Variants in TAF1B observed in about 807,000 individuals in gnomAD.
TAF1B encodes TATA-box binding protein associated factor, RNA polymerase I subunit B.
Under a neutral mutation model 83.9 loss-of-function variants are expected in TAF1B, and 61 were observed. The ratio of observed to expected loss-of-function variants is 0.73; its 90% CI spans 0.59 to 0.90. The LOEUF is 0.90. Among genes scored for constraint, TAF1B ranks in the 40% least tolerant of loss-of-function variants. The pLI is 0.00. For synonymous variants in TAF1B, 221 were observed against 224.6 expected (o/e 0.98, Z 0.14); for missense variants, 625 against 677.0 (o/e 0.92, Z 0.85).
chr2:9,883,523 G>A (rs1010391303), intron 8 of TAF1B, among the ~76,000 whole-genome samples: 4 of 152,192 alleles, frequency 2.6e-5, no homozygotes, highest in Admixed American at 2.6e-4. Flanking sequence ...GATACCCTTT[G>A]ATGTTCAACT....
At chr2:9,897,670 G>C (rs1179326846) in intron 8 of TAF1B, among the ~76,000 whole-genome samples, 2 of 152,112 alleles carry the variant, frequency 1.3e-5, no homozygotes, top group African/African-American at 4.8e-5. Context: ...AAAAAGACTC[G>C]TCCAGAGCTG....
intron 4 of TAF1B, 180 bp downstream of exon 4, chr2:9,851,818 G>C: frequency 1.5e-6 from 1 of 648,638 alleles, no homozygotes; most frequent in Non-Finnish European, 2.8e-6. Context: ...TGTTCTACAG[G>C]ATGTAAATAA....
chr2:9,878,219 C>CTT (rs35740852), intron 7 of TAF1B, among the ~76,000 whole-genome samples: 70 of 143,188 alleles, frequency 4.9e-4, no homozygotes, highest in Middle Eastern at 3.6e-3. Context: ...GATTCTTCTT[C>CTT]TTTTTTTTTT....
chr2:9,912,882 T>C (rs540531068), intron 11 of TAF1B, among the ~76,000 whole-genome samples: 40 of 152,366 alleles, frequency 2.6e-4, no homozygotes, highest in African/African-American at 9.4e-4. Context: ...TAAACAATTA[T>C]CATATTGACC....
chr2:9,851,813 T>C (rs933885480), intron 4 of TAF1B, among the ~76,000 whole-genome samples, 175 bp downstream of exon 4: 4 of 152,228 alleles, frequency 2.6e-5, no homozygotes, highest in African/African-American at 7.2e-5. Context: ...AAGTGTGTTC[T>C]ACAGGATGTA....
intron 8 of TAF1B, among the ~76,000 whole-genome samples, chr2:9,893,799 A>AGTTG (rs1014758882): frequency 2.6e-5 from 4 of 152,040 alleles, no homozygotes; most frequent in Non-Finnish European, 5.9e-5. Flanking sequence ...TCAGTAAACT[A>AGTTG]GTTACCTCTG....
chr2:9,883,393 C>T (rs1664571718), intron 8 of TAF1B, among the ~76,000 whole-genome samples: 1 of 152,118 alleles, frequency 6.6e-6, no homozygotes, highest in African/African-American at 2.4e-5. Flanking sequence ...CCTCCATTCA[C>T]CTACTTAAGG....
chr2:9,911,625 G>C, intron 11 of TAF1B, 68 bp downstream of exon 11: 1 of 1,155,764 alleles, frequency 8.7e-7, no homozygotes, highest in Admixed American at 2.8e-5. Context: ...TGGAATAAAT[G>C]TAGGCAAACA....
intron 8 of TAF1B, among the ~76,000 whole-genome samples, chr2:9,891,807 T>C (rs1664881784): frequency 1.3e-5 from 2 of 152,196 alleles, no homozygotes; most frequent in South Asian, 4.1e-4. Context: ...GGAATAAGGA[T>C]ATAAAGAAAA....
At position 9,914,744 on chromosome 2, in the gene TAF1B, CGAG is replaced by C. The variant is rs1429882938; in HGVS notation, c.1271+1497_1271+1499del. Among the ~76,000 whole-genome samples the C allele has an allele frequency of 6.6e-6, 1 of 152,136 alleles. No individual in the cohort carries two copies. Among genetic ancestry groups the C allele is most frequent in the African/African-American group, 2.4e-5 (1 of 41,424 alleles). On this transcript the variant is annotated intron_variant, in intron 12 of 14. Coordinates refer to ENST00000263663, the MANE Select transcript of TAF1B (RefSeq NM_005680.3). This position sits in a 1 kb window ranked among gnomAD's most constrained non-coding sequence, Gnocchi z 4.3. ...TACCGGGCCCCAAGGTGGAGGCTGT[CGAG>C]GGGACCCGTTTCCAAGGTCCTTCTT...
At chr2:9,869,104 A>G (rs1664086095) in intron 6 of TAF1B, among the ~76,000 whole-genome samples, 1 of 152,250 alleles carries the variant, frequency 6.6e-6, no homozygotes, top group African/African-American at 2.4e-5. Context: ...AAATATTCCC[A>G]GAAGACCATG....
chr2:9,902,598 A>G (rs993325265), intron 8 of TAF1B, among the ~76,000 whole-genome samples: 1 of 152,246 alleles, frequency 6.6e-6, no homozygotes. Context: ...ACACTGTTCT[A>G]TTGTGAGATT....
chr2:9,893,792 G>A (rs1190464725), intron 8 of TAF1B, among the ~76,000 whole-genome samples: 2 of 127,498 alleles, frequency 1.6e-5, no homozygotes, highest in Non-Finnish European at 3.3e-5. Flanking sequence ...GCAAAATTCA[G>A]TAAACTAGTT....
chr2:9,919,396 T>C (rs1161640716), intron 13 of TAF1B, among the ~76,000 whole-genome samples: 1 of 152,228 alleles, frequency 6.6e-6, no homozygotes, highest in East Asian at 1.9e-4. Flanking sequence ...CCTTTTAGAC[T>C]GTACATTCTT....
chr2:9,900,383 A>C (rs1665146808), intron 8 of TAF1B, among the ~76,000 whole-genome samples: 1 of 152,128 alleles, frequency 6.6e-6, no homozygotes, highest in Non-Finnish European at 1.5e-5. Context: ...AAAATACAAA[A>C]AATTAGCTGG....
chr2:9,916,834 G>GTTGTTTTTTTTTTTT (rs1572282272), intron 12 of TAF1B, among the ~76,000 whole-genome samples: 1 of 44,848 alleles, frequency 2.2e-5, no homozygotes, highest in African/African-American at 4.6e-5. Context: ...TTTCCTTTCT[G>GTTGTTTTTTTTTTTT]TTCTTTTTTT....
intron 5 of TAF1B, among the ~76,000 whole-genome samples, chr2:9,866,411 G>A (rs1663977792): frequency 2.0e-5 from 3 of 150,984 alleles, no homozygotes; most frequent in African/African-American, 7.3e-5. Context: ...AGTTAGAATG[G>A]CGATCATTAA....
At chr2:9,926,189 A>G (rs1052240286) in intron 14 of TAF1B, among the ~76,000 whole-genome samples, 2 of 152,184 alleles carry the variant, frequency 1.3e-5, no homozygotes. Flanking sequence ...TAAAACCATA[A>G]TACCATTAAT....
In TAF1B at chr2:9,901,507, C is replaced by T. The variant is rs576721954; in HGVS notation, c.808-3352C>T. Among the ~76,000 whole-genome samples the T allele has an allele frequency of 1.4e-4, 21 of 152,188 alleles. No homozygotes were observed. In the South Asian group the frequency reaches 4.4e-3, roughly 32 times the overall value. The stretch of plus-strand genomic sequence containing the variant: ...TACCAAATTGCTTCTCATTAGTGAC[C>T]TTACACATACTTGTCATGAATTTAT... On this transcript the variant is annotated intron_variant, in intron 8 of 14. Transcript: ENST00000263663.
Sources: allele counts gnomAD v4.1 joint callset (sites outside exome capture counted in the v4.1 genomes callset), GRCh38; gene constraint gnomAD v4.1.1; non-coding constraint Gnocchi (gnomAD v3.1); transcripts MANE v1.5; gene names NCBI Gene and HGNC (gene_info 2026-07-23, HGNC 2026-07-21).